Variants in FRMD4A observed in about 807,000 individuals in gnomAD.
The protein encoded by FRMD4A is FERM domain-containing protein 4A.
In FRMD4A, 29 loss-of-function variants were observed where a neutral mutation model predicts 129.1. The ratio of observed to expected loss-of-function variants is 0.22; its 90% CI spans 0.17 to 0.31. FRMD4A has a LOEUF of 0.31. FRMD4A is among the 10% of genes least tolerant of loss of function. FRMD4A has a pLI of 1.00. For missense variants in FRMD4A, 1,272 were observed against 1,375.8 expected, an observed-to-expected ratio of 0.92 and a Z score of 1.19; for synonymous variants, 634 against 571.6, an observed-to-expected ratio of 1.11 and a Z score of -1.56.
intron 2 of FRMD4A, among the ~76,000 whole-genome samples, chr10:14,080,552 G>C (rs1018277314): frequency 6.6e-6 from 1 of 152,026 alleles, no homozygotes; most frequent in African/African-American, 2.4e-5. Flanking sequence ...AGATGATTGA[G>C]CCTCTTCTGG....
intron 3 of FRMD4A, among the ~76,000 whole-genome samples, chr10:13,838,252 ATTTTTTTTTTTTT>A (rs905362746): frequency 7.9e-6 from 1 of 125,998 alleles, no homozygotes; most frequent in Admixed American, 8.0e-5. Context: ...TGCAGAGCTA[ATTTTTTTTTTTTT>A]TTTTTTTTTT....
chr10:14,284,552 C>T (rs987003254), intron 2 of FRMD4A, among the ~76,000 whole-genome samples: 5 of 152,268 alleles, frequency 3.3e-5, no homozygotes, highest in African/African-American at 1.2e-4. Context: ...ACTCGGGAGG[C>T]TGAGGCAGGA....
intron 12 of FRMD4A, among the ~76,000 whole-genome samples, chr10:13,733,816 G>T (rs1015850189): frequency 9.2e-5 from 14 of 152,224 alleles, no homozygotes; most frequent in African/African-American, 3.4e-4. Context: ...CCATGCAACG[G>T]AAGCTGCCTC....
intron 2 of FRMD4A, among the ~76,000 whole-genome samples, chr10:14,036,399 C>T (rs995931029): frequency 4.6e-5 from 7 of 152,100 alleles, no homozygotes; most frequent in East Asian, 1.9e-4. Context: ...ATCAGCAAGA[C>T]GGAAAGGGAA....
chr10:14,150,552 A>T (rs1180284831), intron 2 of FRMD4A, among the ~76,000 whole-genome samples: 1 of 152,098 alleles, frequency 6.6e-6, no homozygotes. Flanking sequence ...AGCCTCCCCC[A>T]ATCCTGCCTC....
At position 13,723,525 on chromosome 10, in the gene FRMD4A, G is replaced by A. The variant is rs540803689; in HGVS notation, c.759+14319C>T. Among the ~76,000 whole-genome samples the A allele has an allele frequency of 1.1e-4, 16 of 152,278 alleles. No individual in the cohort carries two copies. In the South Asian group the frequency reaches 2.1e-3, roughly 20 times the overall value. ...GACAAGAGTTCTGAAGATCTGTTGC[G>A]CAATGATGGGGATATACCTTACTGA... On this transcript the variant is annotated intron_variant, in intron 12 of 24. Transcript: ENST00000357447.
At chr10:13,850,544 G>A (rs1231028250) in intron 3 of FRMD4A, among the ~76,000 whole-genome samples, 2 of 152,218 alleles carry the variant, frequency 1.3e-5, no homozygotes, top group African/African-American at 2.4e-5. Flanking sequence ...TTCCCAGATA[G>A]GTTAGGAAGT....
intron 2 of FRMD4A, among the ~76,000 whole-genome samples, chr10:14,138,963 C>A (rs1839692832): frequency 6.6e-6 from 1 of 152,144 alleles, no homozygotes; most frequent in African/African-American, 2.4e-5. Context: ...ACTGGCTACC[C>A]CTGCCCCTTC....
chr10:13,849,481 C>A (rs1345726480), intron 3 of FRMD4A, among the ~76,000 whole-genome samples: 1 of 112,724 alleles, frequency 8.9e-6, no homozygotes, highest in Non-Finnish European at 1.8e-5. Context: ...CAATCTCCTG[C>A]ATTTTTTTTT....
chr10:14,079,040 G>C (rs1054451457), intron 2 of FRMD4A, among the ~76,000 whole-genome samples: 75 of 152,192 alleles, frequency 4.9e-4, no homozygotes, highest in African/African-American at 1.8e-3. Context: ...CCATCTCTAA[G>C]TGCTCTTTTG....
chr10:13,885,166 T>A (rs1350734908), intron 2 of FRMD4A, among the ~76,000 whole-genome samples: 1 of 152,178 alleles, frequency 6.6e-6, no homozygotes, highest in African/African-American at 2.4e-5. Context: ...AGGAGGATCG[T>A]TTGAGGCCAG....
chr10:14,059,214 T>TCCTC (rs1834688457), intron 2 of FRMD4A, among the ~76,000 whole-genome samples: 1 of 152,214 alleles, frequency 6.6e-6, no homozygotes, highest in African/African-American at 2.4e-5. Context: ...TTACTGTAAC[T>TCCTC]CCTCCCTCCT....
At chr10:14,164,894 T>C (rs1036449166) in intron 2 of FRMD4A, among the ~76,000 whole-genome samples, 23 of 152,224 alleles carry the variant, frequency 1.5e-4, no homozygotes, top group Admixed American at 9.8e-4. Context: ...TTTTTCTCTT[T>C]TGCTCATCAC....
intron 2 of FRMD4A, among the ~76,000 whole-genome samples, chr10:14,261,178 C>T (rs1844787594): frequency 6.6e-6 from 1 of 152,146 alleles, no homozygotes; most frequent in South Asian, 2.1e-4. Context: ...CATGGTTCAG[C>T]CTTGGAGAGA....
chr10:14,138,486 C>T lies in FRMD4A; in HGVS notation c.45+191572G>A, dbSNP rs568198590. Among the ~76,000 whole-genome samples the T allele has an allele frequency of 2.6e-4, 40 of 151,148 alleles. No homozygotes were observed. The South Asian group carries it at 3.2e-3, about 12-fold the overall frequency. ...AGAAAATTGGGGGCCAAAGGCCGGA[C>T]GCGGTGGCTCACACCTGTAATCTCA... On this transcript the variant is annotated intron_variant, in intron 2 of 24. Transcript: ENST00000357447.
intron 2 of FRMD4A, among the ~76,000 whole-genome samples, chr10:14,077,627 T>C (rs770628201): frequency 9.2e-5 from 14 of 152,240 alleles, no homozygotes; most frequent in Non-Finnish European, 1.2e-4. Context: ...GTGTCAATGC[T>C]GAGAGGCCCA....
At chr10:13,838,785 G>T (rs1033528385) in intron 3 of FRMD4A, among the ~76,000 whole-genome samples, 1 of 151,868 alleles carries the variant, frequency 6.6e-6, no homozygotes, top group Non-Finnish European at 1.5e-5. Flanking sequence ...GAGCCACCGC[G>T]CCTGCCTATG....
intron 6 of FRMD4A, among the ~76,000 whole-genome samples, chr10:13,777,755 T>C (rs1266067290): frequency 1.3e-5 from 2 of 151,328 alleles, no homozygotes; most frequent in Admixed American, 1.3e-4. Flanking sequence ...CTCCTCTCCC[T>C]TTCCCCAAGC....
At chr10:13,786,315 C>CA (rs1478467307) in intron 5 of FRMD4A, among the ~76,000 whole-genome samples, 2 of 152,144 alleles carry the variant, frequency 1.3e-5, no homozygotes, top group African/African-American at 2.4e-5. Flanking sequence ...ATTTGATTTT[C>CA]AAAAAATAAA....
Sources: allele counts gnomAD v4.1 joint callset (sites outside exome capture counted in the v4.1 genomes callset), GRCh38; gene constraint gnomAD v4.1.1; transcripts MANE v1.5; gene names NCBI Gene and HGNC (gene_info 2026-07-23, HGNC 2026-07-21).